Variants in MBOAT1 observed in about 807,000 individuals in gnomAD.
The protein encoded by MBOAT1 is membrane bound glycerophospholipid O-acyltransferase 1, also known as membrane-bound glycerophospholipid O-acyltransferase 1.
MBOAT1 carries 67 observed loss-of-function variants against 64.4 expected under a neutral mutation model. That is an observed-to-expected ratio of 1.04 (90% CI 0.85 to 1.27). MBOAT1 has a LOEUF of 1.27. Among genes scored for constraint, MBOAT1 ranks in the 50% most tolerant of loss-of-function variants. The probability of loss-of-function intolerance (pLI) is 0.00; values close to 1 mark genes in which losing one functional copy is unlikely to be tolerated. For synonymous variants in MBOAT1, 229 were observed against 218.9 expected, an observed-to-expected ratio of 1.05 and a Z score of -0.41; for missense variants, 563 against 604.6, an observed-to-expected ratio of 0.93 and a Z score of 0.72.
chr6:20,174,326 C>G (rs1456972848), intron 1 of MBOAT1, among the ~76,000 whole-genome samples: 3 of 152,204 alleles, frequency 2.0e-5, no homozygotes, highest in Non-Finnish European at 4.4e-5. Context: ...CTTAAATCAA[C>G]CTAGATGGTG....
chr6:20,194,558 T>A (rs1762899936), intron 1 of MBOAT1, among the ~76,000 whole-genome samples: 1 of 152,226 alleles, frequency 6.6e-6, no homozygotes, highest in African/African-American at 2.4e-5. Flanking sequence ...AGACCACAGA[T>A]GTAAAGTGCC....
chr6:20,142,085 GA>G (rs36048017), intron 4 of MBOAT1, among the ~76,000 whole-genome samples: 70,976 of 151,938 alleles, frequency 0.47, 19,150 homozygotes, highest in Non-Finnish European at 0.61. Context: ...CTTAAAAACA[GA>G]AGAAGATATA....
chr6:20,126,170 T>C lies in MBOAT1; in HGVS notation c.714+347A>G, dbSNP rs145957939. ...TGGTCCCCCTCCCCCTCACCTTCTA[T>C]GCCATATCATCTTTTGGCTGTACTT... is the stretch of plus-strand genomic sequence containing the variant. On this transcript the variant is annotated intron_variant, in intron 7 of 12. Coordinates refer to ENST00000324607, the MANE Select transcript of MBOAT1 (RefSeq NM_001080480.3). Among the ~76,000 whole-genome samples, 1,269 of 152,288 alleles carry C rather than the reference T, an allele frequency of 8.3e-3. 12 individuals are homozygous for C. The highest frequency in any genetic ancestry group is 0.028 in the African/African-American group (1,166 of 41,560).
chr6:20,198,803 A>G (rs1468723466), intron 1 of MBOAT1, among the ~76,000 whole-genome samples: 1 of 152,238 alleles, frequency 6.6e-6, no homozygotes, highest in Non-Finnish European at 1.5e-5. Context: ...TAGCTTCCTC[A>G]GGATTTTCTC....
intron 1 of MBOAT1, among the ~76,000 whole-genome samples, chr6:20,196,056 T>C (rs2113763020): frequency 6.6e-6 from 1 of 152,328 alleles, no homozygotes; most frequent in African/African-American, 2.4e-5. Context: ...GTGTTCTTAT[T>C]TGGGCCTTGG....
intron 1 of MBOAT1, among the ~76,000 whole-genome samples, chr6:20,175,333 C>G (rs539308076): frequency 6.6e-6 from 1 of 152,200 alleles, no homozygotes; most frequent in South Asian, 2.1e-4. Context: ...TCACTGTAAC[C>G]CTGTAACCTC....
In MBOAT1 at chr6:20,153,945, A is replaced by C. The variant is rs942232235; in HGVS notation, c.100-1176T>G. Reference sequence around the variant, plus strand: ...TTTAACCATTCATTAAAACTAGAAAAGTAACTTAAACTCTTCAAAGTATTC... The same window carrying C: ...TTTAACCATTCATTAAAACTAGAAACGTAACTTAAACTCTTCAAAGTATTC... On this transcript the variant is annotated intron_variant, in intron 1 of 12. Transcript: ENST00000324607. 3.3e-5 allele frequency among the ~76,000 whole-genome samples: 5 copies of C among 152,256 alleles called. 1 individual carries two copies. Among genetic ancestry groups the C allele is most frequent in the African/African-American group, 1.2e-4 (5 of 41,474 alleles).
At chr6:20,159,299 C>T (rs899178717) in intron 1 of MBOAT1, among the ~76,000 whole-genome samples, 2 of 152,062 alleles carry the variant, frequency 1.3e-5, no homozygotes, top group African/African-American at 4.8e-5. Flanking sequence ...AACTCCATCT[C>T]CTGTCAGATC....
Position 20,145,937 on chromosome 6 carries a change from T to C in MBOAT1, c.324-1622A>G, listed in dbSNP as rs150467304. On this transcript the variant is annotated intron_variant, in intron 3 of 12. Coordinates refer to ENST00000324607, the MANE Select transcript of MBOAT1 (RefSeq NM_001080480.3). ...CCCAGCACAATTCATTGCTCCACTG[T>C]CTGTATGTCTCTGGTATTACATGCT... is the stretch of plus-strand genomic sequence containing the variant. 1.9e-3 allele frequency among the ~76,000 whole-genome samples: 291 copies of C among 152,342 alleles called. 1 individual carries two copies. Among genetic ancestry groups the C allele is most frequent in the African/African-American group, 6.9e-3 (288 of 41,570 alleles).
intron 7 of MBOAT1, among the ~76,000 whole-genome samples, chr6:20,125,210 T>C (rs1467197669): frequency 6.6e-6 from 1 of 152,230 alleles, no homozygotes; most frequent in Non-Finnish European, 1.5e-5. Context: ...CCCCTGACAT[T>C]TCAAGGAATG....
chr6:20,138,969 G>A (rs1180546501), intron 4 of MBOAT1, among the ~76,000 whole-genome samples: 1 of 152,102 alleles, frequency 6.6e-6, no homozygotes, highest in East Asian at 1.9e-4. Context: ...GCTTGCGTCT[G>A]CATTACTCCA....
chr6:20,167,200 T>G (rs558960337), intron 1 of MBOAT1, among the ~76,000 whole-genome samples: 1 of 152,238 alleles, frequency 6.6e-6, no homozygotes. Flanking sequence ...CAAGTTATTT[T>G]CAGTTTTTTT....
chr6:20,205,421 A>G (rs6905634), intron 1 of MBOAT1, among the ~76,000 whole-genome samples: 151,279 of 152,280 alleles, frequency 0.99, 75,145 homozygotes, highest in South Asian at 1. Context: ...CTTGTTCCAC[A>G]ACAGGAAGGC....
chr6:20,120,006 C>CGTGTGTGT (rs10630791), intron 8 of MBOAT1, among the ~76,000 whole-genome samples: 52,581 of 150,564 alleles, frequency 0.35, 10,165 homozygotes, highest in Non-Finnish European at 0.44. Flanking sequence ...TGTGTGTGTG[C>CGTGTGTGT]GTGTGTGTGT....
At chr6:20,124,970 TC>T (rs1760609282) in intron 7 of MBOAT1, among the ~76,000 whole-genome samples, 1 of 152,208 alleles carries the variant, frequency 6.6e-6, no homozygotes, top group Admixed American at 6.5e-5. Flanking sequence ...TGCCTTCTAT[TC>T]CTGTGGCCAG....
rs533629142 is a variant in MBOAT1, at chr6:20,203,793, G to A, written c.99+8343C>T. 7.2e-4 allele frequency among the ~76,000 whole-genome samples: 106 copies of A among 148,186 alleles called. 1 individual carries two copies. The highest frequency in any genetic ancestry group is 2.6e-3 in the African/African-American group (103 of 39,206). On this transcript the variant is annotated intron_variant, in intron 1 of 12. Coordinates refer to ENST00000324607, the MANE Select transcript of MBOAT1 (RefSeq NM_001080480.3). The stretch of plus-strand genomic sequence containing the variant: ...ATATAAACAAACAACTTTACAATGG[G>A]CCCGTTTAAAAAAAAAAAAAAAATA...
At chr6:20,207,242 C>T (rs12195312) in intron 1 of MBOAT1, among the ~76,000 whole-genome samples, 268 of 152,326 alleles carry the variant, frequency 1.8e-3, no homozygotes, top group Non-Finnish European at 2.8e-3. Context: ...TTGCTTCCTC[C>T]TCCATCCCTA....
In MBOAT1 at chr6:20,113,014, A is replaced by G; in HGVS notation, c.1077-6T>C. On this transcript the variant is annotated splice_region_variant and splice_polypyrimidine_tract_variant and intron_variant, in intron 10 of 12. Coordinates refer to ENST00000324607, the MANE Select transcript of MBOAT1 (RefSeq NM_001080480.3). ...GAACCCGCTGATAGCACACACTGTG[A>G]AGAGAGGAAGGAACAAGACACAGGT... is the stretch of plus-strand genomic sequence containing the variant. The G allele has an allele frequency of 6.2e-7, 1 of 1,612,108 alleles. No homozygotes were observed. The highest frequency in any genetic ancestry group is 8.5e-7 in the Non-Finnish European group (1 of 1,179,304).
rs140661556 is a variant in MBOAT1 at position 20,141,947 on chromosome 6, C to A, written c.419+2273G>T. 1.3e-3 allele frequency among the ~76,000 whole-genome samples: 201 copies of A among 152,290 alleles called. 1 individual carries two copies. Among genetic ancestry groups the A allele is most frequent in the African/African-American group, 4.3e-3 (179 of 41,562 alleles). ...CCTGTCTTGCATTTCTGTGCTCTTGCAAAGCCCTCCCTTCTGCCTGGAATA... is the reference window on the plus strand; with the variant it reads ...CCTGTCTTGCATTTCTGTGCTCTTGAAAAGCCCTCCCTTCTGCCTGGAATA... On this transcript the variant is annotated intron_variant, in intron 4 of 12. Transcript: ENST00000324607.
Sources: allele counts gnomAD v4.1 joint callset (sites outside exome capture counted in the v4.1 genomes callset), GRCh38; gene constraint gnomAD v4.1.1; transcripts MANE v1.5; gene names NCBI Gene and HGNC (gene_info 2026-07-23, HGNC 2026-07-21).